NEBL: variants seen among roughly 807,000 people sequenced by gnomAD.
The protein encoded by NEBL is LIM and SH3 protein 2.
NEBL carries 122 observed loss-of-function variants against 140.2 expected under a neutral mutation model. The observed-to-expected ratio is 0.87, with a 90% CI of 0.75 to 1.01. NEBL has a LOEUF of 1.01. NEBL is among the 50% of genes least tolerant of loss of function. The probability of loss-of-function intolerance (pLI) is 0.00; values close to 1 mark genes in which losing one functional copy is unlikely to be tolerated. For synonymous variants in NEBL, 436 were observed against 398.9 expected, an observed-to-expected ratio of 1.09 and a Z score of -1.11; for missense variants, 1,365 against 1,231.3, an observed-to-expected ratio of 1.11 and a Z score of -1.62.
At chr10:21,243,012 G>A (rs1405364677) in intron 3 of NEBL, among the ~76,000 whole-genome samples, 2 of 152,086 alleles carry the variant, frequency 1.3e-5, no homozygotes, top group Non-Finnish European at 2.9e-5. Context: ...ATCTTATGAG[G>A]GTCTCAGAAG....
Position 21,182,652 on chromosome 10 carries a change from A to T in NEBL, n.349-10175T>A, listed in dbSNP as rs190152961. 2.5e-4 allele frequency among the ~76,000 whole-genome samples: 38 copies of T among 152,314 alleles called. No individual in the cohort carries two copies. In the Middle Eastern group the frequency reaches 0.01, roughly 41 times the overall value. ...TAGAAAACTGCAAGTTCTGAGGAAT[A>T]GTCCAAAGATCCACACATGTGTTGT... On this transcript the variant is annotated intron_variant and non_coding_transcript_variant, in intron 3 of 8. Transcript: ENST00000675702.
At chr10:20,809,521 G>A (rs1362443370) in intron 25 of NEBL, among the ~76,000 whole-genome samples, 1 of 152,056 alleles carries the variant, frequency 6.6e-6, no homozygotes, top group Non-Finnish European at 1.5e-5. Context: ...GCACTTTAGT[G>A]CAATCCAAAT....
At chr10:21,115,294 T>TA (rs1838228789) in intron 2 of NEBL, among the ~76,000 whole-genome samples, 1 of 152,126 alleles carries the variant, frequency 6.6e-6, no homozygotes, top group African/African-American at 2.4e-5. Context: ...AAGATATTTT[T>TA]AAAAACAAGA....
chr10:21,286,765 G>A (rs1159825171), intron 1 of NEBL, among the ~76,000 whole-genome samples: 1 of 152,100 alleles, frequency 6.6e-6, no homozygotes, highest in Non-Finnish European at 1.5e-5. Context: ...CGTGAACTTG[G>A]GAGGCGGAGG....
chr10:21,060,683 C>T (rs1205652646), intron 2 of NEBL, among the ~76,000 whole-genome samples: 5 of 151,878 alleles, frequency 3.3e-5, no homozygotes, highest in Non-Finnish European at 7.4e-5. Flanking sequence ...CTTCAAAAAC[C>T]TCTCTATGCT....
At chr10:21,075,414 G>T (rs974956028) in intron 2 of NEBL, among the ~76,000 whole-genome samples, 1 of 152,062 alleles carries the variant, frequency 6.6e-6, no homozygotes, top group African/African-American at 2.4e-5. Flanking sequence ...GAAACAACAC[G>T]ACCTAAGAGG....
At chr10:21,260,811 C>T (rs759281447) in intron 1 of NEBL, among the ~76,000 whole-genome samples, 2 of 152,158 alleles carry the variant, frequency 1.3e-5, no homozygotes, top group South Asian at 2.1e-4. Flanking sequence ...ACAGCAAATC[C>T]GTTCAGAGCA....
chr10:21,091,972 T>C (rs538639493), intron 2 of NEBL, among the ~76,000 whole-genome samples: 2 of 152,250 alleles, frequency 1.3e-5, no homozygotes, highest in Non-Finnish European at 2.9e-5. Context: ...GCATTTGCTA[T>C]TGATATTTTT....
Position 20,783,475 on chromosome 10 carries a change from G to A in NEBL, c.*2272C>T, listed in dbSNP as rs1835160680. ...TTTAGGAGACTTATTCCTCAAATAT[G>A]TATTGACTTTTATGCTCAGTGAATC... On this transcript the variant is annotated 3_prime_UTR_variant, in exon 28 of 28. Coordinates refer to ENST00000377122, the MANE Select transcript of NEBL (RefSeq NM_006393.3). The A allele has an allele frequency of 6.6e-6, 1 of 152,190 alleles. No homozygotes were observed. The highest frequency in any genetic ancestry group is 2.1e-4 in the South Asian group (1 of 4,832). The allele number at this position is 152,190 out of a possible 1,614,324, so 9.4% of individuals were successfully genotyped here. A position where few individuals can be genotyped will look rare whatever the true frequency, so the allele number is the denominator to read the frequency against.
At chr10:21,219,196 G>T (rs1409880135) in intron 3 of NEBL, among the ~76,000 whole-genome samples, 1 of 152,166 alleles carries the variant, frequency 6.6e-6, no homozygotes, top group Non-Finnish European at 1.5e-5. Flanking sequence ...TGTTTGATGT[G>T]TATTTGGTTT....
At chr10:21,089,479 G>A (rs536377105) in intron 2 of NEBL, among the ~76,000 whole-genome samples, 6 of 152,276 alleles carry the variant, frequency 3.9e-5, no homozygotes, top group African/African-American at 1.2e-4. Flanking sequence ...GGGAGCAAGA[G>A]CACGTAGCCA....
chr10:21,039,060 GTTTTTTTTT>G (rs57149647), intron 2 of NEBL, among the ~76,000 whole-genome samples: 5 of 99,404 alleles, frequency 5.0e-5, no homozygotes, highest in Non-Finnish European at 7.6e-5. Context: ...TGATGGGGCT[GTTTTTTTTT>G]TTTTTTTTTT....
chr10:20,903,668 A>C lies in NEBL; in HGVS notation c.357+58004T>G, dbSNP rs117693196. ...AAAGAAAATGTGGTATGCATACACC[A>C]CGGAATACAACTCAGGCAGAAAAAG... is the stretch of plus-strand genomic sequence containing the variant. On this transcript the variant is annotated intron_variant, in intron 4 of 6. Transcript: ENST00000417816. 2.2e-4 allele frequency among the ~76,000 whole-genome samples: 34 copies of C among 152,298 alleles called. No homozygotes were observed. The East Asian group carries it at 6.4e-3, about 28-fold the overall frequency.
At chr10:21,255,326 G>C (rs1212766997) in intron 1 of NEBL, among the ~76,000 whole-genome samples, 1 of 152,024 alleles carries the variant, frequency 6.6e-6, no homozygotes, top group African/African-American at 2.4e-5. Context: ...GTTGAGAGGA[G>C]GAGTCAGTAC....
intron 26 of NEBL, among the ~76,000 whole-genome samples, chr10:20,805,173 G>T (rs985859518): frequency 6.6e-6 from 1 of 152,210 alleles, no homozygotes. Context: ...GAAAGTTGTA[G>T]TTGTCACTTA....
intron 2 of NEBL, chr10:21,020,228 T>C (rs1453324401): frequency 1.3e-6 from 2 of 1,576,660 alleles, no homozygotes; most frequent in African/African-American, 1.3e-5. Context: ...TAAAAGGACA[T>C]AATTAAAATA....
chr10:20,918,364 A>C (rs1833409902), intron 4 of NEBL, among the ~76,000 whole-genome samples: 1 of 151,920 alleles, frequency 6.6e-6, no homozygotes, highest in Non-Finnish European at 1.5e-5. Context: ...TCTCAAAAAA[A>C]AGAATCCAAG....
chr10:21,161,466 A>T (rs1345327838), intron 2 of NEBL, among the ~76,000 whole-genome samples: 4 of 152,178 alleles, frequency 2.6e-5, no homozygotes, highest in Non-Finnish European at 5.9e-5. Flanking sequence ...CAACAGAGGG[A>T]CAATTTCTGA....
At chr10:21,288,339 G>A (rs1478397921) in intron 1 of NEBL, among the ~76,000 whole-genome samples, 1 of 151,626 alleles carries the variant, frequency 6.6e-6, no homozygotes, top group Non-Finnish European at 1.5e-5. Flanking sequence ...ATGGTGCCAG[G>A]CATCTGTAGT....
Sources: gnomAD v4.1 joint callset for allele counts (sites outside exome capture counted in the v4.1 genomes callset) on GRCh38, gnomAD v4.1.1 for gene constraint, MANE v1.5 for transcripts, NCBI Gene and HGNC (gene_info 2026-07-23, HGNC 2026-07-21) for gene names.